Variants in ABHD12B observed in about 807,000 individuals in gnomAD.
The protein encoded by ABHD12B is abhydrolase domain containing 12B.
ABHD12B carries 42 observed loss-of-function variants against 50.4 expected under a neutral mutation model. The ratio of observed to expected loss-of-function variants is 0.83; its 90% CI spans 0.65 to 1.08. The LOEUF (loss-of-function observed/expected upper bound fraction) is 1.08. ABHD12B is among the 50% of genes least tolerant of loss of function. The pLI, the probability that ABHD12B is intolerant of heterozygous loss-of-function variation, is 0.00. For synonymous variants in ABHD12B, 167 were observed against 160.3 expected, an observed-to-expected ratio of 1.04 and a Z score of -0.32; for missense variants, 479 against 447.7, an observed-to-expected ratio of 1.07 and a Z score of -0.63.
chr14:50,875,633 C>A (rs1043061060), intron 1 of ABHD12B, among the ~76,000 whole-genome samples: 57 of 152,264 alleles, frequency 3.7e-4, no homozygotes, highest in African/African-American at 1.2e-3. Context: ...ATCCTCTGCT[C>A]AAATAAGGTC....
chr14:50,896,118 A>C (rs201480285), intron 9 of ABHD12B, among the ~76,000 whole-genome samples: 1 of 151,672 alleles, frequency 6.6e-6, no homozygotes, highest in African/African-American at 2.4e-5. Context: ...TGCACCCCTT[A>C]CCATCTCATT....
chr14:50,888,334 G>T (rs1306808367), intron 8 of ABHD12B, among the ~76,000 whole-genome samples: 1 of 151,844 alleles, frequency 6.6e-6, no homozygotes, highest in African/African-American at 2.4e-5. Context: ...CTCTCGAGTA[G>T]CTGGGACTAC....
chr14:50,882,098 G>T (rs2049960860), intron 5 of ABHD12B, among the ~76,000 whole-genome samples: 1 of 151,824 alleles, frequency 6.6e-6, no homozygotes, highest in Non-Finnish European at 1.5e-5. Context: ...ACCACGCCCG[G>T]CTAATTTTGT....
intron 5 of ABHD12B, among the ~76,000 whole-genome samples, chr14:50,883,272 C>T (rs2142735201): frequency 6.6e-6 from 1 of 152,302 alleles, no homozygotes; most frequent in Non-Finnish European, 1.5e-5. Context: ...CATGCTGGCT[C>T]CCACCTTGGA....
intron 2 of ABHD12B, 46 bp from the exon 3 acceptor site, chr14:50,878,699 G>T (rs2049896231): frequency 1.3e-6 from 2 of 1,486,134 alleles, no homozygotes; most frequent in Non-Finnish European, 1.9e-6. Context: ...TGATTAAAAG[G>T]CATGGAATTT....
chr14:50,878,640 C>T (rs2049895410), intron 2 of ABHD12B, 105 bp from the exon 3 acceptor site: 5 of 878,888 alleles, frequency 5.7e-6, no homozygotes, highest in Non-Finnish European at 8.9e-6. Context: ...TAGTAGCTTG[C>T]AACTTAGAAG....
chr14:50,880,669 G>A (rs1229405437), intron 4 of ABHD12B, 98 bp downstream of exon 4: 1 of 1,302,614 alleles, frequency 7.7e-7, no homozygotes, highest in Non-Finnish European at 1.0e-6. Context: ...AACTCTGTAG[G>A]CATGCCTTCA....
intron 7 of ABHD12B, among the ~76,000 whole-genome samples, chr14:50,886,166 G>A (rs955620696): frequency 2.6e-5 from 4 of 152,140 alleles, no homozygotes; most frequent in Admixed American, 2.6e-4. Context: ...GGCCAGGCGG[G>A]GTAGCTCACA....
chr14:50,892,386 G>C, intron 9 of ABHD12B: 1 of 985,104 alleles, frequency 1.0e-6, no homozygotes, highest in Non-Finnish European at 1.2e-6. Context: ...CGTGACCTCA[G>C]GCAAAGTCTA....
intron 9 of ABHD12B, among the ~76,000 whole-genome samples, chr14:50,898,634 C>T (rs925697421): frequency 5.9e-5 from 9 of 152,194 alleles, no homozygotes; most frequent in Non-Finnish European, 1.3e-4. Context: ...CCGGGGCTTG[C>T]TTTCTTCCTA....
chr14:50,882,522 A>G (rs1207388166), intron 5 of ABHD12B, among the ~76,000 whole-genome samples: 1 of 151,550 alleles, frequency 6.6e-6, no homozygotes, highest in African/African-American at 2.4e-5. Flanking sequence ...GATTACAGGC[A>G]CCTGCCACCA....
At chr14:50,903,884 A>G (rs2050296502) in intron 11 of ABHD12B, 190 bp from the exon 12 acceptor site, 3 of 589,472 alleles carry the variant, frequency 5.1e-6, no homozygotes, top group African/African-American at 1.9e-5. Flanking sequence ...TCAGTATTCT[A>G]TATTAGCTGA....
At chr14:50,889,427 C>A (rs1457436757) in intron 9 of ABHD12B, among the ~76,000 whole-genome samples, 1 of 152,198 alleles carries the variant, frequency 6.6e-6, no homozygotes, top group African/African-American at 2.4e-5. Context: ...ATCACAAGGT[C>A]AAGAGATCGA....
chr14:50,892,734 C>T (rs2050136069), intron 9 of ABHD12B: 5 of 316,554 alleles, frequency 1.6e-5, no homozygotes, highest in Non-Finnish European at 2.3e-5. Context: ...TACTTAATAC[C>T]ATCTAATAAT....
At chr14:50,902,318 A>G (rs1454176507) in intron 10 of ABHD12B, among the ~76,000 whole-genome samples, 3 of 152,082 alleles carry the variant, frequency 2.0e-5, no homozygotes, top group Non-Finnish European at 4.4e-5. Flanking sequence ...CACCATCTCT[A>G]CCAAAAAATT....
At chr14:50,886,439 CCAA>C (rs2050038519) in intron 7 of ABHD12B, among the ~76,000 whole-genome samples, 1 of 125,382 alleles carries the variant, frequency 8.0e-6, no homozygotes, top group Non-Finnish European at 1.7e-5. Flanking sequence ...GGCTCTGTCT[CCAA>C]AAAAAAAAAA....
intron 11 of ABHD12B, among the ~76,000 whole-genome samples, chr14:50,903,780 CTT>C (rs1334531603): frequency 6.6e-6 from 1 of 152,142 alleles, no homozygotes; most frequent in Non-Finnish European, 1.5e-5. Flanking sequence ...AAGACGCAGA[CTT>C]TTTCCTTTTA....
chr14:50,885,856 T>C lies in ABHD12B; in HGVS notation c.623T>C (p.Ile208Thr). The C allele has an allele frequency of 6.2e-7, 1 of 1,614,154 alleles. No homozygotes were observed. The highest frequency in any genetic ancestry group is 1.1e-5 in the South Asian group (1 of 91,074). ...GAGTGGACCAAGGCAAGAAGTGGCA[T>C]CACTCCCGTGTGTCTCTGGGGCCAC... is the stretch of plus-strand genomic sequence containing the variant. ...VYEWTKARSG[I>T]TPVCLWGHSL... Residue 208 changes from isoleucine to threonine, a missense_variant, in exon 7 of 13, where the codon ATC becomes ACC. Coordinates refer to ENST00000337334, the MANE Select transcript of ABHD12B (RefSeq NM_001206673.2).
At chr14:50,887,819 C>A (rs964468308) in intron 8 of ABHD12B, among the ~76,000 whole-genome samples, 2 of 152,144 alleles carry the variant, frequency 1.3e-5, no homozygotes, top group Non-Finnish European at 2.9e-5. Flanking sequence ...AGATCACAAC[C>A]AAAAGCCTGA....
Sources: gnomAD v4.1 joint callset for allele counts (sites outside exome capture counted in the v4.1 genomes callset) on GRCh38, gnomAD v4.1.1 for gene constraint, MANE v1.5 for transcripts, NCBI Gene and HGNC (gene_info 2026-07-23, HGNC 2026-07-21) for gene names.